SLC26A7: variants seen among roughly 807,000 people sequenced by gnomAD.
The protein encoded by SLC26A7 is solute carrier family 26 member 7.
SLC26A7 carries 59 observed loss-of-function variants against 82.5 expected under a neutral mutation model. The ratio of observed to expected loss-of-function variants is 0.72; its 90% CI spans 0.58 to 0.89. The LOEUF (loss-of-function observed/expected upper bound fraction) is 0.89. Among genes scored for constraint, SLC26A7 ranks in the 40% least tolerant of loss-of-function variants. The pLI, the probability that SLC26A7 is intolerant of heterozygous loss-of-function variation, is 0.00. For synonymous variants in SLC26A7, 271 were observed against 274.3 expected (o/e 0.99, Z 0.12); for missense variants, 820 against 793.0 (o/e 1.03, Z -0.41).
chr8:91,259,039 C>T (rs957703280), intron 2 of SLC26A7, among the ~76,000 whole-genome samples: 4 of 152,046 alleles, frequency 2.6e-5, no homozygotes, highest in African/African-American at 9.7e-5. Flanking sequence ...TTTTCTCATC[C>T]CTTTCTATTT....
intron 2 of SLC26A7, among the ~76,000 whole-genome samples, chr8:91,229,811 C>T (rs1208328546): frequency 6.6e-6 from 1 of 152,012 alleles, no homozygotes; most frequent in Non-Finnish European, 1.5e-5. Flanking sequence ...TATAGAATGC[C>T]CTGGTAAATA....
At chr8:91,261,092 C>A (rs1810951479) in intron 2 of SLC26A7, among the ~76,000 whole-genome samples, 1 of 152,048 alleles carries the variant, frequency 6.6e-6, no homozygotes, top group Non-Finnish European at 1.5e-5. Flanking sequence ...TTCATCGTTG[C>A]CCACACAATT....
chr8:91,369,762 C>T (rs758328713), intron 14 of SLC26A7, 23 bp from the exon 15 acceptor site: 14 of 1,524,578 alleles, frequency 9.2e-6, no homozygotes, highest in South Asian at 2.6e-5. Flanking sequence ...CATTTTTCTT[C>T]TTTATGTTTG....
intron 4 of SLC26A7, among the ~76,000 whole-genome samples, chr8:91,311,421 A>C (rs975747736): frequency 6.6e-6 from 1 of 152,090 alleles, no homozygotes; most frequent in Non-Finnish European, 1.5e-5. Context: ...ATGATTAGTT[A>C]GATATATATT....
intron 5 of SLC26A7, among the ~76,000 whole-genome samples, chr8:91,322,796 C>T (rs1313052573): frequency 2.6e-5 from 4 of 152,130 alleles, no homozygotes; most frequent in Non-Finnish European, 4.4e-5. Context: ...TATATTCAGC[C>T]ATCCTTCTTG....
chr8:91,280,508 C>T (rs1811541368), intron 2 of SLC26A7, among the ~76,000 whole-genome samples: 1 of 152,208 alleles, frequency 6.6e-6, no homozygotes, highest in South Asian at 2.1e-4. Context: ...TCCATTTGCT[C>T]CTCCTTGTTC....
chr8:91,316,388 TCCTTC>T (rs1812630995), intron 4 of SLC26A7, among the ~76,000 whole-genome samples: 2 of 146,932 alleles, frequency 1.4e-5, no homozygotes, highest in Non-Finnish European at 3.0e-5. Context: ...GCTCAGGCCA[TCCTTC>T]CACCTCAGCC....
intron 1 of SLC26A7, among the ~76,000 whole-genome samples, chr8:91,213,147 G>A (rs564666157): frequency 1.9e-4 from 29 of 152,052 alleles, no homozygotes; most frequent in Non-Finnish European, 5.9e-5. Context: ...GATTATGCAG[G>A]GGGTGCTGTG....
intron 16 of SLC26A7, among the ~76,000 whole-genome samples, chr8:91,391,142 C>G (rs999288734): frequency 3.3e-5 from 5 of 152,172 alleles, no homozygotes; most frequent in Admixed American, 3.3e-4. Flanking sequence ...AAATGTCCAG[C>G]CTTTCAAACT....
intron 4 of SLC26A7, among the ~76,000 whole-genome samples, chr8:91,298,200 T>C (rs1812066370): frequency 6.6e-6 from 1 of 151,996 alleles, no homozygotes; most frequent in Non-Finnish European, 1.5e-5. Flanking sequence ...TTTTGCCTTC[T>C]CTTCTTGTAA....
chr8:91,328,302 C>CTAAATA lies in SLC26A7; in HGVS notation c.643-5989_643-5988insTATAAA, dbSNP rs962083062. 1.5e-3 allele frequency among the ~76,000 whole-genome samples: 225 copies of CTAAATA among 152,118 alleles called. 2 individuals are homozygous for CTAAATA. The highest frequency in any genetic ancestry group is 5.3e-3 in the African/African-American group (222 of 41,520). On this transcript the variant is annotated intron_variant, in intron 5 of 18. Coordinates refer to ENST00000276609, the MANE Select transcript of SLC26A7 (RefSeq NM_052832.4). ...TTATTTATCTTTTCTTCACTAAATA[C>CTAAATA]TAAACTTTTTCAGCCTTGATGTTGC...
chr8:91,256,591 C>A (rs1452123539), intron 2 of SLC26A7, among the ~76,000 whole-genome samples: 1 of 152,058 alleles, frequency 6.6e-6, no homozygotes, highest in Non-Finnish European at 1.5e-5. Context: ...CCTCCACAGC[C>A]TGACAATGAA....
intron 4 of SLC26A7, among the ~76,000 whole-genome samples, chr8:91,313,598 C>T (rs1353209624): frequency 2.0e-5 from 3 of 152,136 alleles, no homozygotes; most frequent in African/African-American, 7.2e-5. Context: ...ACCCAAACAG[C>T]TTTTCAGACT....
chr8:91,348,204 C>A, intron 9 of SLC26A7: 2 of 452,616 alleles, frequency 4.4e-6, no homozygotes, highest in African/African-American at 2.1e-5. Context: ...CCTTTAAAAC[C>A]TTCTTAATCT....
chr8:91,285,013 C>T (rs1345209566), intron 2 of SLC26A7, among the ~76,000 whole-genome samples: 3 of 152,172 alleles, frequency 2.0e-5, no homozygotes, highest in African/African-American at 2.4e-5. Context: ...TGGCTTACAC[C>T]ACAGGAATTT....
intron 2 of SLC26A7, among the ~76,000 whole-genome samples, chr8:91,251,808 A>G (rs1251801017): frequency 1.3e-5 from 2 of 152,130 alleles, no homozygotes; most frequent in South Asian, 2.1e-4. Context: ...TATAGTCTAC[A>G]CTGCCAAAAT....
At chr8:91,328,760 GTGTA>G (rs1812999709) in intron 5 of SLC26A7, among the ~76,000 whole-genome samples, 1 of 152,064 alleles carries the variant, frequency 6.6e-6, no homozygotes, top group African/African-American at 2.4e-5. Flanking sequence ...GTATATGTGT[GTGTA>G]TGTGTGTGTG....
upstream of SLC26A7, chr8:91,249,174 T>C (rs1023871056): frequency 6.6e-6 from 1 of 152,324 alleles, no homozygotes; most frequent in African/African-American, 2.4e-5. Flanking sequence ...AGAGAGAGAC[T>C]GGACTAGCTG....
intron 14 of SLC26A7, among the ~76,000 whole-genome samples, chr8:91,367,287 C>T (rs1311517954): frequency 2.6e-5 from 4 of 152,194 alleles, no homozygotes; most frequent in African/African-American, 7.2e-5. Flanking sequence ...GGATTACAGG[C>T]GTGAGCCACT....
Sources: gnomAD v4.1 joint callset for allele counts (sites outside exome capture counted in the v4.1 genomes callset) on GRCh38, gnomAD v4.1.1 for gene constraint, MANE v1.5 for transcripts, NCBI Gene and HGNC (gene_info 2026-07-23, HGNC 2026-07-21) for gene names.